Variants in ANKHD1 observed in about 807,000 individuals in gnomAD.
ANKHD1 encodes ankyrin repeat and KH domain-containing protein 1.
Under a neutral mutation model 230.5 loss-of-function variants are expected in ANKHD1, and 31 were observed. The ratio of observed to expected loss-of-function variants is 0.13; its 90% CI spans 0.10 to 0.18. ANKHD1 has a LOEUF of 0.18. Among genes scored for constraint, ANKHD1 ranks in the 10% least tolerant of loss-of-function variants. The probability of loss-of-function intolerance (pLI) is 1.00; values close to 1 mark genes in which losing one functional copy is unlikely to be tolerated. For synonymous variants in ANKHD1, 1,074 were observed against 1,117.6 expected, an observed-to-expected ratio of 0.96 and a Z score of 0.78; for missense variants, 2,256 against 3,071.3, an observed-to-expected ratio of 0.73 and a Z score of 6.27.
intron 1 of ANKHD1, among the ~76,000 whole-genome samples, chr5:140,425,407 T>TGCATGG (rs1772325686): frequency 6.6e-6 from 1 of 152,154 alleles, no homozygotes; most frequent in Non-Finnish European, 1.5e-5. Flanking sequence ...ACTATAGGTA[T>TGCATGG]GCACCACCAT....
intron 1 of ANKHD1, among the ~76,000 whole-genome samples, chr5:140,429,333 C>T (rs1414159989): frequency 6.6e-6 from 1 of 152,000 alleles, no homozygotes; most frequent in African/African-American, 2.4e-5. Context: ...ACCTTGTGAT[C>T]CACCCGCCTC....
chr5:140,468,302 G>A (rs1776258308), intron 10 of ANKHD1, among the ~76,000 whole-genome samples: 1 of 151,412 alleles, frequency 6.6e-6, no homozygotes, highest in African/African-American at 2.4e-5. Flanking sequence ...CAAAAACGTA[G>A]TTTATCACTG....
At chr5:140,532,906 G>A in intron 29 of ANKHD1, 2 of 315,458 alleles carry the variant, frequency 6.3e-6, no homozygotes, top group Non-Finnish European at 1.3e-5. Context: ...AGACCAGCCT[G>A]GCCAACATGG....
At chr5:140,500,508 C>A (rs768082037) in intron 15 of ANKHD1, among the ~76,000 whole-genome samples, 1 of 151,688 alleles carries the variant, frequency 6.6e-6, no homozygotes, top group Non-Finnish European at 1.5e-5. Flanking sequence ...ATTAGCCAGG[C>A]GTGGTGGTGC....
intron 10 of ANKHD1, among the ~76,000 whole-genome samples, chr5:140,468,392 A>C (rs1719367952): frequency 1.3e-5 from 2 of 152,134 alleles, no homozygotes; most frequent in Admixed American, 6.5e-5. Flanking sequence ...TGAGTGAACT[A>C]TATTGGGCAT....
At chr5:140,496,250 T>C (rs1007341739) in intron 14 of ANKHD1, among the ~76,000 whole-genome samples, 2 of 152,036 alleles carry the variant, frequency 1.3e-5, no homozygotes, top group Non-Finnish European at 2.9e-5. Flanking sequence ...TCCAAAATCC[T>C]CCTATCCTAA....
Position 140,527,550 on chromosome 5 carries a change from G to A in ANKHD1, c.5088-323G>A. ...TATTCATTATTTTAACAGGGTCATT[G>A]CAGTTTAGTTGATGTGTAATATTTT... On this transcript the variant is annotated intron_variant, in intron 27 of 33. Coordinates refer to ENST00000360839, the MANE Select transcript of ANKHD1 (RefSeq NM_017747.3). This position sits in a 1 kb window ranked among gnomAD's most constrained non-coding sequence, Gnocchi z 4.5. 1 of 221,538 alleles carries A rather than the reference G, an allele frequency of 4.5e-6. No homozygotes were observed. The highest frequency in any genetic ancestry group is 8.6e-5 in the South Asian group (1 of 11,676). The allele number at this position is 221,538 out of a possible 1,614,324, so 13.7% of individuals were successfully genotyped here.
intron 14 of ANKHD1, among the ~76,000 whole-genome samples, chr5:140,488,604 TA>T (rs953871724): frequency 7.1e-6 from 1 of 141,564 alleles, no homozygotes; most frequent in East Asian, 2.1e-4. Context: ...AAAAAAATCA[TA>T]AAAAAAAATA....
chr5:140,516,885 C>T (rs1472414803), intron 24 of ANKHD1, among the ~76,000 whole-genome samples: 3 of 151,670 alleles, frequency 2.0e-5, no homozygotes, highest in Non-Finnish European at 2.9e-5. Flanking sequence ...CATCAACTAA[C>T]GAGCAAAATA....
chr5:140,507,910 C>T lies in ANKHD1; in HGVS notation c.3677C>T (p.Thr1226Met). The stretch of plus-strand genomic sequence containing the variant: ...GCCCAAATAGAGACCAATCGGAACA[C>T]GGCTCTCACCCTGGCCTGTTTCCAG... ...INAQIETNRNTALTLACFQGR... is the reference protein window; with the variant it reads ...INAQIETNRNMALTLACFQGR... The change falls in exon 20 of 34, where the codon ACG becomes ATG. Residue 1226 changes from threonine to methionine, a missense_variant. Coordinates refer to ENST00000360839, the MANE Select transcript of ANKHD1 (RefSeq NM_017747.3). This position sits in a 1 kb window ranked among gnomAD's most constrained non-coding sequence, Gnocchi z 4.1. 5 of 1,614,022 alleles carry T rather than the reference C, an allele frequency of 3.1e-6. No individual in the cohort carries two copies. Among genetic ancestry groups the T allele is most frequent in the East Asian group, 2.2e-5 (1 of 44,870 alleles).
At chr5:140,524,937 T>TTAA in intron 25 of ANKHD1, 1 of 289,072 alleles carries the variant, frequency 3.5e-6, no homozygotes, top group South Asian at 2.7e-5. Flanking sequence ...CGTCTCTACT[T>TTAA]AAAAAAAAAA....
intron 9 of ANKHD1, among the ~76,000 whole-genome samples, chr5:140,464,439 C>T (rs1376481042): frequency 6.6e-6 from 1 of 152,116 alleles, no homozygotes; most frequent in Non-Finnish European, 1.5e-5. Context: ...GTATATCTTA[C>T]TACTGATGTA....
At chr5:140,455,864 G>T (rs1775140557) in intron 7 of ANKHD1, among the ~76,000 whole-genome samples, 1 of 152,084 alleles carries the variant, frequency 6.6e-6, no homozygotes, top group African/African-American at 2.4e-5. Context: ...GTTCTGGCCA[G>T]GGCAATCAGG....
At chr5:140,418,841 G>A (rs1771624257) in intron 1 of ANKHD1, among the ~76,000 whole-genome samples, 2 of 152,098 alleles carry the variant, frequency 1.3e-5, no homozygotes, top group East Asian at 1.9e-4. Context: ...AGTGATTCTC[G>A]TGCCTCAGCC....
At chr5:140,537,939 T>G in intron 31 of ANKHD1, 147 bp from the exon 32 acceptor site, 1 of 1,315,002 alleles carries the variant, frequency 7.6e-7, no homozygotes, top group Non-Finnish European at 9.9e-7. Context: ...TGGTTTTTTT[T>G]GGCTAGCAAG....
chr5:140,537,325 AT>A, intron 30 of ANKHD1, 63 bp from the exon 31 acceptor site: 1 of 1,554,044 alleles, frequency 6.4e-7, no homozygotes, highest in South Asian at 1.2e-5. Flanking sequence ...ATAGAGAAAT[AT>A]TTTGCCACCA....
rs1324125991 is a variant in ANKHD1 at position 140,535,514 on chromosome 5, C to T, written c.7003C>T (p.Pro2335Ser). The T allele has an allele frequency of 2.5e-6, 4 of 1,609,500 alleles. No homozygotes were observed. The highest frequency in any genetic ancestry group is 3.4e-6 in the Non-Finnish European group (4 of 1,178,584). The change falls in exon 30 of 34, where the codon CCT becomes TCT. Residue 2335 changes from proline to serine, a missense_variant. This residue lies in a region of ANKHD1 where 778 missense variants were observed against 966.5 expected (regional missense o/e 0.80). Coordinates refer to ENST00000360839, the MANE Select transcript of ANKHD1 (RefSeq NM_017747.3). ...CAACAGACAACATTTTTCTCCCCAT[C>T]CTTGGACAAGCGCCTCAAACTCATG... ...SFNRQHFSPH[P>S]WTSASNSSTS...
intron 1 of ANKHD1, among the ~76,000 whole-genome samples, chr5:140,431,005 A>G (rs1249298759): frequency 1.3e-5 from 2 of 152,164 alleles, no homozygotes; most frequent in Non-Finnish European, 2.9e-5. Flanking sequence ...TCTGAATTGT[A>G]AGAATATGTT....
At chr5:140,531,750 CT>C (rs148863331) in intron 29 of ANKHD1, among the ~76,000 whole-genome samples, 1 of 152,208 alleles carries the variant, frequency 6.6e-6, no homozygotes, top group African/African-American at 2.4e-5. Flanking sequence ...CATTATTCTA[CT>C]CCTAGGGAAG....
Sources: gnomAD v4.1 joint callset for allele counts (sites outside exome capture counted in the v4.1 genomes callset) on GRCh38, gnomAD v4.1.1 for gene constraint, gnomAD v4.1.1 regional missense constraint, Gnocchi (gnomAD v3.1) non-coding constraint, MANE v1.5 for transcripts, NCBI Gene and HGNC (gene_info 2026-07-23, HGNC 2026-07-21) for gene names.